The following ZBTB37 variants were observed in gnomAD, a reference collection of about 807,000 sequenced individuals.
ZBTB37 encodes zinc finger and BTB domain-containing protein 37.
In ZBTB37, 15 loss-of-function variants were observed where a neutral mutation model predicts 37.7. That is an observed-to-expected ratio of 0.40 (90% CI 0.27 to 0.61). The LOEUF is 0.61. Ranked by LOEUF, ZBTB37 falls within the 20% of genes least tolerant of loss-of-function variation. The pLI is 0.44. For synonymous variants in ZBTB37, 231 were observed against 220.6 expected, an observed-to-expected ratio of 1.05 and a Z score of -0.42; for missense variants, 514 against 641.9, an observed-to-expected ratio of 0.80 and a Z score of 2.15.
intron 4 of ZBTB37, among the ~76,000 whole-genome samples, chr1:173,884,087 A>G (rs1656485312): frequency 6.6e-6 from 1 of 152,188 alleles, no homozygotes; most frequent in African/African-American, 2.4e-5. Context: ...CTCAGGTTAA[A>G]AAAATAATTT....
chr1:173,891,441 A>G (rs1656834905), downstream of ZBTB37: 1 of 152,130 alleles, frequency 6.6e-6, no homozygotes, highest in African/African-American at 2.4e-5. Context: ...GTTTTGAAAC[A>G]TAATGAAACA....
At chr1:173,895,430 T>A (rs1236220060) in exon 4 of ZBTB37, 2 of 152,174 alleles carry the variant, frequency 1.3e-5, no homozygotes, top group East Asian at 3.9e-4. Context: ...AATAATTTGA[T>A]TTCTTGGAGA....
At chr1:173,877,611 G>A (rs927193144) in intron 4 of ZBTB37, among the ~76,000 whole-genome samples, 3 of 151,948 alleles carry the variant, frequency 2.0e-5, no homozygotes, top group South Asian at 4.1e-4. Flanking sequence ...GAATTCCTGA[G>A]CTCAGTAGTG....
intron 4 of ZBTB37, among the ~76,000 whole-genome samples, chr1:173,882,980 G>A (rs1224578373): frequency 6.6e-6 from 1 of 152,148 alleles, no homozygotes; most frequent in Non-Finnish European, 1.5e-5. Context: ...AACTAGTGAG[G>A]CAAATGCTAT....
chr1:173,895,857 A>C lies in ZBTB37; in HGVS notation c.*9733A>C, dbSNP rs938942645. 7.9e-5 allele frequency: 12 copies of C among 152,214 alleles called. No individual in the cohort carries two copies. The East Asian group carries it at 2.3e-3, about 29-fold the overall frequency. 9.4% of individuals were successfully genotyped at this position (152,214 alleles called of 1,614,324 possible). On this transcript the variant is annotated 3_prime_UTR_variant, in exon 4 of 4. Transcript: ENST00000367701. ...CTAGACTGTTCCTGCTCTGAGAAGA[A>C]ATATGGACAGAGAATGAATTTCATT...
Position 173,874,603 on chromosome 1 carries a change from G to A in ZBTB37, c.1023+1037G>A, listed in dbSNP as rs781299997. Among the ~76,000 whole-genome samples, 8 of 152,132 alleles carry A rather than the reference G, an allele frequency of 5.3e-5. 1 individual carries two copies. The highest frequency in any genetic ancestry group is 4.2e-4 in the South Asian group (2 of 4,818). On this transcript the variant is annotated intron_variant, in intron 4 of 4. Transcript: ENST00000427304. Reference sequence around the variant, plus strand: ...CCTGACCTCATGATCCGCCTGCCTCGGCCTCCCAAAATGCTGGGATTACAG... The same window carrying A: ...CCTGACCTCATGATCCGCCTGCCTCAGCCTCCCAAAATGCTGGGATTACAG...
chr1:173,873,613 C>T (rs574879427), intron 4 of ZBTB37, 47 bp downstream of exon 4: 1 of 1,611,654 alleles, frequency 6.2e-7, no homozygotes, highest in South Asian at 1.1e-5. Flanking sequence ...GGAGGAATTG[C>T]TACTGTGTAT....
chr1:173,886,565 T>C (rs1656635282), exon 5 of ZBTB37: 1 of 156,730 alleles, frequency 6.4e-6, no homozygotes, highest in Non-Finnish European at 1.4e-5. Context: ...GAGGAGGTAG[T>C]CATGATGGTG....
At chr1:173,885,994 C>G (rs756102956) in exon 5 of ZBTB37, 8 of 1,551,652 alleles carry the variant, frequency 5.2e-6, no homozygotes, top group Admixed American at 2.0e-5. Context: ...CTGGAGGGGC[C>G]TCACAGCATC....
intron 4 of ZBTB37, among the ~76,000 whole-genome samples, chr1:173,877,137 A>G (rs1342258645): frequency 1.3e-5 from 2 of 152,192 alleles, no homozygotes; most frequent in Admixed American, 6.5e-5. Flanking sequence ...GCACGGTTAC[A>G]TATGTGGTCC....
chr1:173,886,223 C>T, exon 5 of ZBTB37: 1 of 1,453,748 alleles, frequency 6.9e-7, no homozygotes, highest in Admixed American at 2.8e-5. Context: ...AATGCCACAT[C>T]ACTAGGCCAG....
At chr1:173,874,489 T>C (rs1337043435) in intron 4 of ZBTB37, among the ~76,000 whole-genome samples, 2 of 151,916 alleles carry the variant, frequency 1.3e-5, no homozygotes, top group Non-Finnish European at 2.9e-5. Context: ...TAGCTGGGAC[T>C]ACAGGCACCT....
At chr1:173,868,168 T>C (rs55829688), upstream of ZBTB37, 31,836 of 158,372 alleles carry the variant, frequency 0.2, 3,451 homozygotes, top group Middle Eastern at 0.36. Flanking sequence ...CTCGCCATTG[T>C]GGGCAGAGAC....
At chr1:173,885,941 C>A (rs1656594781) in exon 5 of ZBTB37, 1 of 1,551,682 alleles carries the variant, frequency 6.4e-7, no homozygotes. Context: ...TCCAGGCCAT[C>A]TTGAATCAGC....
At chr1:173,896,459 G>T (rs574523666) in exon 4 of ZBTB37, 1 of 152,188 alleles carries the variant, frequency 6.6e-6, no homozygotes, top group South Asian at 2.1e-4. Context: ...AGCCCTTTGG[G>T]CCCTCCTATA....
chr1:173,902,653 C>T lies in ZBTB37; in HGVS notation c.*16529C>T, dbSNP rs749273121. 2 of 152,080 alleles carry T rather than the reference C, an allele frequency of 1.3e-5. 1 individual carries two copies. The allele number at this position is 152,080 out of a possible 1,614,324, so 9.4% of individuals were successfully genotyped here. ...GGAGTAGGATTTTCTCTCACCCAAC[C>T]CTACTTTAATCATTATCACTTAAGT... On this transcript the variant is annotated 3_prime_UTR_variant, in exon 4 of 4. Coordinates refer to the ZBTB37 transcript ENST00000367701.
At chr1:173,889,346 T>G (rs540039844), downstream of ZBTB37, 1 of 151,782 alleles carries the variant, frequency 6.6e-6, no homozygotes, top group African/African-American at 2.4e-5. Flanking sequence ...ATGGACTTTG[T>G]TTGGTTGATG....
chr1:173,876,694 T>C (rs968404096), intron 4 of ZBTB37, among the ~76,000 whole-genome samples: 1 of 152,184 alleles, frequency 6.6e-6, no homozygotes, highest in Non-Finnish European at 1.5e-5. Flanking sequence ...TTTTTTAGTT[T>C]TGATAAGATG....
intron 4 of ZBTB37, among the ~76,000 whole-genome samples, chr1:173,875,372 C>T (rs1441430204): frequency 6.8e-6 from 1 of 148,058 alleles, no homozygotes; most frequent in Non-Finnish European, 1.5e-5. Flanking sequence ...GTCACCCAGG[C>T]TGGAGTGCAG....
Sources: gnomAD v4.1 joint callset for allele counts (sites outside exome capture counted in the v4.1 genomes callset) on GRCh38, gnomAD v4.1.1 for gene constraint, MANE v1.5 for transcripts, NCBI Gene and HGNC (gene_info 2026-07-23, HGNC 2026-07-21) for gene names.